Variants in ROR2 observed in about 807,000 individuals in gnomAD.
ROR2 encodes tyrosine-protein kinase transmembrane receptor ROR2.
Under a neutral mutation model 74.9 loss-of-function variants are expected in ROR2, and 33 were observed. That is an observed-to-expected ratio of 0.44 (90% CI 0.33 to 0.59). The LOEUF (loss-of-function observed/expected upper bound fraction) is 0.59. ROR2 is among the 20% of genes least tolerant of loss of function. The pLI is 0.02. For synonymous variants in ROR2, 586 were observed against 558.7 expected, an observed-to-expected ratio of 1.05 and a Z score of -0.69; for missense variants, 1,216 against 1,313.8, an observed-to-expected ratio of 0.93 and a Z score of 1.15.
intron 1 of ROR2, among the ~76,000 whole-genome samples, chr9:91,915,247 C>G (rs1305513696): frequency 1.3e-5 from 2 of 152,162 alleles, no homozygotes; most frequent in Non-Finnish European, 2.9e-5. Context: ...CCACACGCGG[C>G]TCCCATAGAC....
At chr9:91,851,021 C>A (rs895962983) in intron 1 of ROR2, among the ~76,000 whole-genome samples, 3 of 152,156 alleles carry the variant, frequency 2.0e-5, no homozygotes, top group Non-Finnish European at 4.4e-5. Flanking sequence ...TATTTCCCCA[C>A]TCATTGGAAA....
intron 1 of ROR2, among the ~76,000 whole-genome samples, chr9:91,813,457 C>T (rs1256488875): frequency 2.6e-5 from 4 of 152,118 alleles, no homozygotes; most frequent in East Asian, 3.8e-4. Context: ...ATGGGTTTGC[C>T]GTCTGTGGAA....
At chr9:91,913,731 T>G (rs115207506) in intron 1 of ROR2, among the ~76,000 whole-genome samples, 2,710 of 152,280 alleles carry the variant, frequency 0.018, 88 homozygotes, top group African/African-American at 0.061. Flanking sequence ...AATCTGATTT[T>G]CAAAAAGCTT....
chr9:91,825,826 T>C (rs1302636682), intron 1 of ROR2, among the ~76,000 whole-genome samples: 2 of 152,152 alleles, frequency 1.3e-5, no homozygotes, highest in Non-Finnish European at 2.9e-5. Context: ...TTCTCAGATT[T>C]TCTCCATTTC....
intron 1 of ROR2, among the ~76,000 whole-genome samples, chr9:91,887,848 G>A (rs1830329619): frequency 7.4e-6 from 1 of 134,716 alleles, no homozygotes; most frequent in South Asian, 2.3e-4. Context: ...CTGGAGTGCA[G>A]TGGTGCCATC....
chr9:91,809,980 T>C (rs1358855608), intron 1 of ROR2, among the ~76,000 whole-genome samples: 1 of 152,232 alleles, frequency 6.6e-6, no homozygotes, highest in Non-Finnish European at 1.5e-5. Flanking sequence ...GATCTTGCAA[T>C]GCACCGAGGA....
intron 1 of ROR2, among the ~76,000 whole-genome samples, chr9:91,789,978 T>C (rs572579649): frequency 6.6e-6 from 1 of 152,282 alleles, no homozygotes; most frequent in East Asian, 1.9e-4. Flanking sequence ...TTAAAAGATG[T>C]ATCATAAAAC....
At chr9:91,928,245 C>T (rs1276967217) in intron 1 of ROR2, among the ~76,000 whole-genome samples, 3 of 152,194 alleles carry the variant, frequency 2.0e-5, no homozygotes, top group South Asian at 2.1e-4. Context: ...CACATCAGCC[C>T]ATCTGGAACC....
At chr9:91,817,400 T>C (rs1424701819) in intron 1 of ROR2, among the ~76,000 whole-genome samples, 1 of 152,120 alleles carries the variant, frequency 6.6e-6, no homozygotes, top group East Asian at 1.9e-4. Flanking sequence ...CCGTGCAAGA[T>C]AGAGACAGTG....
At chr9:91,838,990 C>T (rs1175194118) in intron 1 of ROR2, among the ~76,000 whole-genome samples, 1 of 152,064 alleles carries the variant, frequency 6.6e-6, no homozygotes, top group African/African-American at 2.4e-5. Flanking sequence ...AATCTAACAA[C>T]GGAATCCTGG....
rs565831372 is a variant in ROR2, at chr9:91,854,304, A to C, written c.98-78486T>G. 2.6e-5 allele frequency among the ~76,000 whole-genome samples: 4 copies of C among 152,330 alleles called. No individual in the cohort carries two copies. In the East Asian group the frequency reaches 7.7e-4, roughly 29 times the overall value. On this transcript the variant is annotated intron_variant, in intron 1 of 8. Coordinates refer to ENST00000375708, the MANE Select transcript of ROR2 (RefSeq NM_004560.4). ...AGGAAAGTCCTGTGACCAAGTCACA[A>C]GGGCGTGGAGTCAGCAGCCTGCAGG... is the stretch of plus-strand genomic sequence containing the variant.
intron 1 of ROR2, among the ~76,000 whole-genome samples, chr9:91,798,504 T>C (rs368142411): frequency 8.6e-5 from 8 of 93,076 alleles, no homozygotes; most frequent in African/African-American, 2.4e-4. Context: ...GATCTGTGGG[T>C]GGGGCTGACA....
In ROR2 at chr9:91,844,715, A is replaced by T. The variant is rs186748615; in HGVS notation, c.98-68897T>A. On this transcript the variant is annotated intron_variant, in intron 1 of 8. Coordinates refer to ENST00000375708, the MANE Select transcript of ROR2 (RefSeq NM_004560.4). ...TAATAGGTGTAATAGGTTCGTGGCT[A>T]CCAGAACCTACACTGTTAGGAAGGT... Among the ~76,000 whole-genome samples, 14 of 152,306 alleles carry T rather than the reference A, an allele frequency of 9.2e-5. No homozygotes were observed. The South Asian group carries it at 1.4e-3, about 16-fold the overall frequency.
At chr9:91,940,333 G>A (rs1346509823) in intron 1 of ROR2, among the ~76,000 whole-genome samples, 1 of 152,222 alleles carries the variant, frequency 6.6e-6, no homozygotes, top group Non-Finnish European at 1.5e-5. Context: ...GAAATGAAAC[G>A]AAATGAACGT....
intron 1 of ROR2, among the ~76,000 whole-genome samples, chr9:91,793,377 A>G (rs918235610): frequency 1.3e-5 from 2 of 149,044 alleles, no homozygotes; most frequent in Non-Finnish European, 3.0e-5. Context: ...GTTATTTGAG[A>G]AAAAAAAAAG....
At chr9:91,835,881 G>A (rs1828597404) in intron 1 of ROR2, among the ~76,000 whole-genome samples, 1 of 152,140 alleles carries the variant, frequency 6.6e-6, no homozygotes, top group African/African-American at 2.4e-5. Context: ...CCACATGTCC[G>A]CCTTTCACTT....
intron 1 of ROR2, among the ~76,000 whole-genome samples, chr9:91,802,484 T>C (rs1827421212): frequency 6.6e-6 from 1 of 152,126 alleles, no homozygotes. Context: ...AAGGAGCGAC[T>C]TCCAGAGGCA....
chr9:91,826,440 GCCATTGTACCAGCATAA>G (rs1828292914), intron 1 of ROR2, among the ~76,000 whole-genome samples: 1 of 152,122 alleles, frequency 6.6e-6, no homozygotes, highest in African/African-American at 2.4e-5. Flanking sequence ...ACATGATCCT[GCCATTGTACCAGCATAA>G]CTATGCAGAA....
At chr9:91,913,212 C>T (rs1243990645) in intron 1 of ROR2, among the ~76,000 whole-genome samples, 4 of 152,074 alleles carry the variant, frequency 2.6e-5, no homozygotes, top group Admixed American at 1.3e-4. Context: ...AAAGAAAAAT[C>T]GACTATAGTT....
Sources: gnomAD v4.1 joint callset for allele counts (sites outside exome capture counted in the v4.1 genomes callset) on GRCh38, gnomAD v4.1.1 for gene constraint, MANE v1.5 for transcripts, NCBI Gene and HGNC (gene_info 2026-07-23, HGNC 2026-07-21) for gene names.